The following SLC6A11 variants were observed in gnomAD, a reference collection of about 807,000 sequenced individuals.
SLC6A11 encodes sodium- and chloride-dependent GABA transporter 3.
SLC6A11 carries 25 observed loss-of-function variants against 74.8 expected under a neutral mutation model. The ratio of observed to expected loss-of-function variants is 0.33; its 90% CI spans 0.24 to 0.47. The LOEUF (loss-of-function observed/expected upper bound fraction) is 0.47, where lower values mean the gene tolerates loss of function less well. SLC6A11 is among the 20% of genes least tolerant of loss of function. The pLI is 1.00. For missense variants in SLC6A11, 574 were observed against 837.0 expected (o/e 0.69, Z 3.88); for synonymous variants, 330 against 330.2 (o/e 1.00, Z 0.01).
rs556049481 is a variant in SLC6A11 at position 10,868,383 on chromosome 3, C to T, written c.757-6578C>T. On this transcript the variant is annotated intron_variant, in intron 5 of 13. Coordinates refer to ENST00000254488, the MANE Select transcript of SLC6A11 (RefSeq NM_014229.3). ...ATCTCCTTGCTCTGAAATAAATGGC[C>T]GTGTCCTGGGCGTAGGGGGAAAACC... 3.5e-4 allele frequency among the ~76,000 whole-genome samples: 54 copies of T among 152,258 alleles called. 1 individual carries two copies. In the South Asian group the frequency reaches 3.9e-3, roughly 11 times the overall value.
Position 10,819,787 on chromosome 3 carries a change from T to G in SLC6A11, c.467T>G (p.Phe156Cys). The G allele has an allele frequency of 6.2e-7, 1 of 1,614,254 alleles. No individual in the cohort carries two copies. The highest frequency in any genetic ancestry group is 8.5e-7 in the Non-Finnish European group (1 of 1,180,042). Reference protein sequence around the residue: ...YYIIILAWAIFYLSNCFTTEL... With the variant: ...YYIIILAWAICYLSNCFTTEL... ...ATCATCATCCTGGCATGGGCCATTT[T>G]TTACCTGAGCAACTGCTTCACTACT... Residue 156 changes from phenylalanine (F) to cysteine (C), a missense_variant, in exon 3 of 14, where the codon TTT becomes TGT. Phe to Cys is a radical substitution (Grantham distance 205). Around this residue, in one of 4 missense-constraint regions of SLC6A11, gnomAD observed 215 missense variants for 357.9 expected, o/e 0.60. Transcript: ENST00000254488.
At chr3:10,861,706 C>T (rs1036460396) in intron 5 of SLC6A11, among the ~76,000 whole-genome samples, 5 of 152,140 alleles carry the variant, frequency 3.3e-5, no homozygotes, top group Admixed American at 6.6e-5. Context: ...CTGGGGGACC[C>T]TGGTGTCCTG....
chr3:10,836,257 G>A (rs1405785828), intron 4 of SLC6A11, among the ~76,000 whole-genome samples: 4 of 152,170 alleles, frequency 2.6e-5, no homozygotes, highest in African/African-American at 9.7e-5. Context: ...TTGTGAATCC[G>A]TTCATCAGTT....
At chr3:10,844,493 C>T (rs1336996006) in intron 5 of SLC6A11, 147 bp downstream of exon 5, 6 of 887,414 alleles carry the variant, frequency 6.8e-6, no homozygotes, top group African/African-American at 1.7e-5. Flanking sequence ...TGAGCTCTAC[C>T]CACCCTCACC....
intron 5 of SLC6A11, among the ~76,000 whole-genome samples, chr3:10,867,902 C>T (rs7614953): frequency 2.0e-5 from 3 of 152,082 alleles, no homozygotes; most frequent in African/African-American, 2.4e-5. Flanking sequence ...ATTTTATTTT[C>T]GTCACATTTA....
intron 5 of SLC6A11, among the ~76,000 whole-genome samples, chr3:10,864,117 C>A (rs77044675): frequency 1.5e-4 from 23 of 152,062 alleles, no homozygotes; most frequent in Admixed American, 1.2e-3. Flanking sequence ...GCATTTTTCC[C>A]TCTTGAGCCC....
intron 4 of SLC6A11, chr3:10,824,180 G>A (rs994935916): frequency 2.3e-4 from 35 of 152,166 alleles, no homozygotes; most frequent in African/African-American, 7.5e-4. Flanking sequence ...TGTGGTGCAC[G>A]ACCTGTATAA....
intron 5 of SLC6A11, among the ~76,000 whole-genome samples, chr3:10,861,388 ACACCTGTAGT>A (rs199618972): frequency 0.01 from 1,594 of 152,244 alleles, 55 homozygotes; most frequent in South Asian, 0.099. Flanking sequence ...ATGGTGGTGG[ACACCTGTAGT>A]CCTAGCTACT....
rs73812308 is a variant in SLC6A11 at position 10,879,096 on chromosome 3, T to C, written c.891+4001T>C. On this transcript the variant is annotated intron_variant, in intron 6 of 13. Coordinates refer to ENST00000254488, the MANE Select transcript of SLC6A11 (RefSeq NM_014229.3). ...ACAGTAGGTGTTCCTTAAATGTTTGTTGAATGATAGGAGTAAGGGCTATTT... is the reference window on the plus strand; with the variant it reads ...ACAGTAGGTGTTCCTTAAATGTTTGCTGAATGATAGGAGTAAGGGCTATTT... Among the ~76,000 whole-genome samples the C allele has an allele frequency of 6.9e-3, 1,055 of 152,280 alleles. 13 individuals are homozygous for C. Among genetic ancestry groups the C allele is most frequent in the African/African-American group, 0.024 (1,009 of 41,550 alleles).
intron 4 of SLC6A11, among the ~76,000 whole-genome samples, chr3:10,831,780 C>T (rs925273897): frequency 6.6e-6 from 1 of 152,194 alleles, no homozygotes; most frequent in Admixed American, 6.5e-5. Flanking sequence ...GTTTGTGTAA[C>T]GAATCCCATT....
At chr3:10,925,979 G>A (rs1371094273) in intron 8 of SLC6A11, 25 bp from the exon 9 acceptor site, 1 of 1,359,162 alleles carries the variant, frequency 7.4e-7, no homozygotes, top group East Asian at 2.3e-5. Context: ...CCACCCAGTG[G>A]CTTTCTCTCT....
chr3:10,894,680 T>C (rs977096108), intron 6 of SLC6A11, among the ~76,000 whole-genome samples: 1 of 152,178 alleles, frequency 6.6e-6, no homozygotes, highest in Non-Finnish European at 1.5e-5. Flanking sequence ...GGATATAAGA[T>C]GTCAGTGCCA....
intron 3 of SLC6A11, 97 bp downstream of exon 3, chr3:10,819,949 C>T (rs547665605): frequency 2.1e-5 from 27 of 1,283,780 alleles, no homozygotes; most frequent in Middle Eastern, 2.7e-4. Context: ...CCTGGCCTCT[C>T]GTCATGAGTC....
chr3:10,909,976 AC>A (rs1203507195), intron 6 of SLC6A11, among the ~76,000 whole-genome samples: 1 of 151,874 alleles, frequency 6.6e-6, no homozygotes, highest in Non-Finnish European at 1.5e-5. Flanking sequence ...CCTATCTCAT[AC>A]CCCCCACACA....
intron 10 of SLC6A11, 24 bp downstream of exon 10, chr3:10,929,363 A>G: frequency 6.2e-7 from 1 of 1,612,030 alleles, no homozygotes; most frequent in Non-Finnish European, 8.5e-7. Flanking sequence ...TTCGGGCCGC[A>G]CGGGGTGAAG....
chr3:10,937,285 C>T (rs1695770260), intron 13 of SLC6A11, among the ~76,000 whole-genome samples: 2 of 152,278 alleles, frequency 1.3e-5, no homozygotes, highest in Middle Eastern at 3.4e-3. Flanking sequence ...GGACACAAAC[C>T]CAGGCACCTG....
intron 7 of SLC6A11, among the ~76,000 whole-genome samples, chr3:10,914,017 T>C (rs1695422412): frequency 6.6e-6 from 1 of 152,138 alleles, no homozygotes; most frequent in Admixed American, 6.5e-5. Context: ...ATATTGAGTG[T>C]TTTTCCCAAG....
At chr3:10,851,654 C>G (rs903839105) in intron 5 of SLC6A11, among the ~76,000 whole-genome samples, 3 of 152,234 alleles carry the variant, frequency 2.0e-5, no homozygotes, top group African/African-American at 7.2e-5. Flanking sequence ...CACAACAACC[C>G]TATGCAGAAG....
At position 10,912,087 on chromosome 3, in the gene SLC6A11, C is replaced by T; in HGVS notation, c.892-3C>T. ...ATGCCAACATCTTTGTGCCTTCCTA[C>T]AGGTCTGGGTAGATGCTGGAACGCA... On this transcript the variant is annotated splice_polypyrimidine_tract_variant and splice_region_variant and intron_variant, in intron 6 of 13. Transcript: ENST00000254488. The T allele has an allele frequency of 6.2e-7, 1 of 1,605,998 alleles. No homozygotes were observed. Among genetic ancestry groups the T allele is most frequent in the South Asian group, 1.1e-5 (1 of 90,924 alleles).
Sources: gnomAD v4.1 joint callset for allele counts (sites outside exome capture counted in the v4.1 genomes callset) on GRCh38, gnomAD v4.1.1 for gene constraint, gnomAD v4.1.1 regional missense constraint, MANE v1.5 for transcripts, NCBI Gene and HGNC (gene_info 2026-07-23, HGNC 2026-07-21) for gene names.